The following PLXNA1 variants were observed in gnomAD, a reference collection of about 807,000 sequenced individuals.
PLXNA1 encodes the protein plexin-A1.
A neutral mutation model predicts 191.7 loss-of-function variants in PLXNA1; 77 were observed. The observed-to-expected ratio is 0.40, with a 90% CI of 0.33 to 0.49. The LOEUF is 0.49. Among genes scored for constraint, PLXNA1 ranks in the 20% least tolerant of loss-of-function variants. The probability of loss-of-function intolerance (pLI) is 0.63; values close to 1 mark genes in which losing one functional copy is unlikely to be tolerated. For synonymous variants in PLXNA1, 1,137 were observed against 1,156.4 expected (o/e 0.98, Z 0.34); for missense variants, 2,110 against 2,660.2 (o/e 0.79, Z 4.55).
chr3:127,033,718 G>A (rs2079224223), intron 31 of PLXNA1, among the ~76,000 whole-genome samples: 1 of 152,132 alleles, frequency 6.6e-6, no homozygotes, highest in Non-Finnish European at 1.5e-5. Flanking sequence ...TGCTGTTTTA[G>A]GGGGTGAGAG....
chr3:127,011,550 C>T (rs2079095662), intron 9 of PLXNA1, among the ~76,000 whole-genome samples: 2 of 152,222 alleles, frequency 1.3e-5, no homozygotes, highest in Non-Finnish European at 2.9e-5. Flanking sequence ...GTTATTGTTG[C>T]CGAAATGCTG....
chr3:126,994,521 C>T (rs566582365), intron 3 of PLXNA1, among the ~76,000 whole-genome samples: 2 of 152,176 alleles, frequency 1.3e-5, no homozygotes. Context: ...GATCTACCCT[C>T]ACTTGTTCTG....
In PLXNA1 at chr3:127,014,677, G is replaced by A. The variant is rs572293406; in HGVS notation, c.2757-34G>A. 6.8e-6 allele frequency: 11 copies of A among 1,610,774 alleles called. No homozygotes were observed. The East Asian group carries it at 2.2e-4, about 33-fold the overall frequency. On this transcript the variant is annotated intron_variant, in intron 13 of 31. Coordinates refer to ENST00000393409, the MANE Select transcript of PLXNA1 (RefSeq NM_032242.4). ...GCGGGGCGGGACGGGACGGGGCGGG[G>A]CTCCTGCAGCCCCTGAGGCCCGCCT... is the stretch of plus-strand genomic sequence containing the variant.
intron 23 of PLXNA1, among the ~76,000 whole-genome samples, chr3:127,023,704 C>T (rs1396992042): frequency 2.6e-5 from 4 of 152,228 alleles, no homozygotes; most frequent in East Asian, 1.9e-4. Context: ...AGGTGATCAG[C>T]GCACAGATGC....
At chr3:126,998,380 G>A (rs1051910352) in intron 3 of PLXNA1, among the ~76,000 whole-genome samples, 73 of 152,164 alleles carry the variant, frequency 4.8e-4, no homozygotes, top group African/African-American at 1.7e-3. Flanking sequence ...CAGCTGGTGG[G>A]TTTGAGGGAA....
chr3:127,027,483 C>T (rs528611311), intron 23 of PLXNA1: 5 of 365,262 alleles, frequency 1.4e-5, no homozygotes, highest in East Asian at 1.5e-4. Context: ...CTTGGAGTTG[C>T]GTAGTATGGG....
chr3:127,019,328 C>T (rs1350566721), intron 20 of PLXNA1, among the ~76,000 whole-genome samples: 1 of 152,168 alleles, frequency 6.6e-6, no homozygotes, highest in East Asian at 1.9e-4. Flanking sequence ...CCTCTCAGTC[C>T]CAGACAAACC....
rs1444227250 is a variant in PLXNA1, at chr3:127,012,135, A to T, written c.2290A>T (p.Ser764Cys). The change falls in exon 10 of 32, where the codon AGC (serine) becomes TGC (cysteine). Residue 764 changes from serine to cysteine, a missense_variant. Ser to Cys is a moderately radical substitution (Grantham distance 112). This residue lies in a region of PLXNA1 where 644 missense variants were observed against 714.3 expected (regional missense o/e 0.90). Coordinates refer to ENST00000393409, the MANE Select transcript of PLXNA1 (RefSeq NM_032242.4). ...CACCGCCCTGCGCTTCAACAGCTCC[A>T]GCCTGCAGTGCCAGAATTCCTCGGT... Reference protein sequence around the residue: ...RVTALRFNSSSLQCQNSSYSY... With the variant: ...RVTALRFNSSCLQCQNSSYSY... The T allele has an allele frequency of 6.2e-7, 1 of 1,612,424 alleles. No individual in the cohort carries two copies. Among genetic ancestry groups the T allele is most frequent in the African/African-American group, 1.3e-5 (1 of 74,932 alleles).
chr3:127,016,283 G>A (rs1006186160), intron 15 of PLXNA1, among the ~76,000 whole-genome samples: 12 of 152,152 alleles, frequency 7.9e-5, no homozygotes, highest in Admixed American at 6.5e-4. Flanking sequence ...GCGGCAGGCC[G>A]GGTCCCAAAT....
intron 21 of PLXNA1, among the ~76,000 whole-genome samples, chr3:127,021,629 A>G (rs2107635097): frequency 6.6e-6 from 1 of 152,306 alleles, no homozygotes. Context: ...GATGGTAGAC[A>G]TGCACTCCTG....
intron 14 of PLXNA1, 23 bp downstream of exon 14, chr3:127,014,854 C>T: frequency 6.2e-7 from 1 of 1,606,608 alleles, no homozygotes; most frequent in Non-Finnish European, 8.5e-7. Flanking sequence ...CCCTCCCTCT[C>T]TCCCTATTCT....
Position 127,029,935 on chromosome 3 carries a change from G to C in PLXNA1, c.4932G>C (p.Thr1644=). The change falls in exon 28 of 32, where the codon ACG becomes ACC. Residue 1644 remains threonine (T), a synonymous_variant. Transcript: ENST00000393409. ...TGCGCTCGCGCACGCCCATGATCAC[G>C]CCCGACCTGGAGAGCGGCACCAAGC... ...DSLRSRTPMI[T]PDLESGTKLW... 1 of 1,613,530 alleles carries C rather than the reference G, an allele frequency of 6.2e-7. No homozygotes were observed. The highest frequency in any genetic ancestry group is 8.5e-7 in the Non-Finnish European group (1 of 1,179,938).
intron 15 of PLXNA1, 21 bp downstream of exon 15, chr3:127,015,341 TG>T: frequency 7.2e-7 from 1 of 1,391,176 alleles, no homozygotes; most frequent in Non-Finnish European, 9.7e-7. Flanking sequence ...CAGGTGGGGG[TG>T]GGGGCCTGGC....
chr3:126,991,705 C>A, intron 3 of PLXNA1, 139 bp downstream of exon 3: 2 of 966,078 alleles, frequency 2.1e-6, no homozygotes, highest in Non-Finnish European at 1.5e-6. Context: ...GGGAATGTTG[C>A]CCTACACTAG....
At chr3:126,995,116 C>T (rs2079008992) in intron 3 of PLXNA1, among the ~76,000 whole-genome samples, 1 of 152,164 alleles carries the variant, frequency 6.6e-6, no homozygotes, top group Admixed American at 6.5e-5. Flanking sequence ...TCCTGTCAAA[C>T]TGTTGGGGTG....
intron 2 of PLXNA1, among the ~76,000 whole-genome samples, chr3:126,990,385 T>G (rs1216070234): frequency 6.6e-6 from 1 of 152,236 alleles, no homozygotes; most frequent in Non-Finnish European, 1.5e-5. Context: ...TGACCCTGAC[T>G]GCAGGGAGCC....
At chr3:127,010,432 G>T (rs1156672542) in intron 9 of PLXNA1, among the ~76,000 whole-genome samples, 1 of 152,282 alleles carries the variant, frequency 6.6e-6, no homozygotes, top group East Asian at 1.9e-4. Flanking sequence ...CATGGGTGCC[G>T]AGCTTCCTGG....
chr3:127,017,352 A>AGGGG, intron 17 of PLXNA1, 73 bp from the exon 18 acceptor site: 4 of 1,547,254 alleles, frequency 2.6e-6, no homozygotes, highest in Non-Finnish European at 3.5e-6. Flanking sequence ...CCCCCAGGCC[A>AGGGG]GGGGCTCTGT....
At chr3:127,022,362 G>T in intron 22 of PLXNA1, 21 bp downstream of exon 22, 1 of 1,599,952 alleles carries the variant, frequency 6.3e-7, no homozygotes, top group African/African-American at 1.3e-5. Context: ...GGGGCACTGG[G>T]GTTGGGGGAG....
Sources: allele counts gnomAD v4.1 joint callset (sites outside exome capture counted in the v4.1 genomes callset), GRCh38; gene constraint gnomAD v4.1.1; regional missense constraint gnomAD v4.1.1; transcripts MANE v1.5; gene names NCBI Gene and HGNC (gene_info 2026-07-23, HGNC 2026-07-21).